R3HDM2: variants seen among roughly 807,000 people sequenced by gnomAD.
The protein encoded by R3HDM2 is R3H domain containing 2.
Under a neutral mutation model 124.5 loss-of-function variants are expected in R3HDM2, and 38 were observed. The ratio of observed to expected loss-of-function variants is 0.31; its 90% CI spans 0.24 to 0.40. The LOEUF (loss-of-function observed/expected upper bound fraction) is 0.40. R3HDM2 is among the 10% of genes least tolerant of loss of function. The pLI, the probability that R3HDM2 is intolerant of heterozygous loss-of-function variation, is 1.00. For missense variants in R3HDM2, 869 were observed against 1,236.9 expected, an observed-to-expected ratio of 0.70 and a Z score of 4.46; for synonymous variants, 391 against 448.0, an observed-to-expected ratio of 0.87 and a Z score of 1.61.
At chr12:57,414,054 G>A (rs1355383825) in intron 1 of R3HDM2, among the ~76,000 whole-genome samples, 1 of 150,550 alleles carries the variant, frequency 6.6e-6, no homozygotes, top group African/African-American at 2.4e-5. Context: ...TCATCATGTT[G>A]GTCAGGCTGG....
At chr12:57,272,239 CTCT>C (rs2043743452) in intron 14 of R3HDM2, among the ~76,000 whole-genome samples, 1 of 152,114 alleles carries the variant, frequency 6.6e-6, no homozygotes, top group African/African-American at 2.4e-5. Context: ...CACAGTGTTC[CTCT>C]GTCTTACATT....
rs1592384320 is a variant in R3HDM2 at position 57,262,616 on chromosome 12, A to G, written c.2132-3557T>C. On this transcript the variant is annotated intron_variant, in intron 19 of 23. Transcript: ENST00000402412. ...CCCTGCCTTTATTTTTGGAAAAGTG[A>G]CCATGTTGCTACATGAGAGAAGGGC... 2.0e-5 allele frequency among the ~76,000 whole-genome samples: 3 copies of G among 152,312 alleles called. No homozygotes were observed. The South Asian group carries it at 6.2e-4, about 32-fold the overall frequency.
In R3HDM2 at chr12:57,300,192, CA is replaced by C. The variant is rs546655688; in HGVS notation, c.208-12del. On this transcript the variant is annotated splice_polypyrimidine_tract_variant and intron_variant, in intron 4 of 23. Transcript: ENST00000402412. ...TAGCTTGGAATTAGACTGAAAAAAA[CA>C]AAAAACAATTTTCAATTTTTTTAAT... is the stretch of plus-strand genomic sequence containing the variant. 300 of 1,548,116 alleles carry C rather than the reference CA, an allele frequency of 1.9e-4. No homozygotes were observed. The African/African-American group carries it at 3.9e-3, about 20-fold the overall frequency.
At chr12:57,376,852 G>C (rs946761858) in intron 2 of R3HDM2, among the ~76,000 whole-genome samples, 1 of 151,872 alleles carries the variant, frequency 6.6e-6, no homozygotes, top group Non-Finnish European at 1.5e-5. Context: ...TTGGGAGGCT[G>C]AGACAGAAGA....
At chr12:57,359,447 G>A (rs545204468) in intron 2 of R3HDM2, among the ~76,000 whole-genome samples, 4 of 152,224 alleles carry the variant, frequency 2.6e-5, no homozygotes, top group South Asian at 4.1e-4. Flanking sequence ...TAAATAAGCT[G>A]CTTATATTCA....
chr12:57,381,226 C>T (rs1425618262), intron 2 of R3HDM2, among the ~76,000 whole-genome samples: 2 of 151,372 alleles, frequency 1.3e-5, no homozygotes, highest in East Asian at 1.9e-4. Context: ...AGCGAAACTC[C>T]GTCTCAAAAA....
intron 1 of R3HDM2, among the ~76,000 whole-genome samples, chr12:57,426,283 G>C (rs2070734015): frequency 6.6e-6 from 1 of 152,138 alleles, no homozygotes; most frequent in African/African-American, 2.4e-5. Flanking sequence ...ATAACCCACA[G>C]AATTTAGGGT....
In R3HDM2 at chr12:57,381,197, C is replaced by G. The variant is rs1384194914; in HGVS notation, c.-36+14552G>C. ...AGTGAGCTGATATCACGCCATTGCA[C>G]TCCAACTTGGGCAACAAAAGCGAAA... On this transcript the variant is annotated intron_variant, in intron 2 of 23. Transcript: ENST00000402412. Among the ~76,000 whole-genome samples the G allele has an allele frequency of 2.0e-5, 3 of 151,968 alleles. No homozygotes were observed. In the East Asian group the frequency reaches 5.8e-4, roughly 29 times the overall value.
intron 21 of R3HDM2, among the ~76,000 whole-genome samples, chr12:57,256,715 C>G (rs1427678293): frequency 6.6e-6 from 1 of 152,176 alleles, no homozygotes; most frequent in Non-Finnish European, 1.5e-5. Flanking sequence ...AATGGGACTA[C>G]TAGGTCCCAT....
chr12:57,412,564 A>C (rs1036452627), intron 1 of R3HDM2, among the ~76,000 whole-genome samples: 2 of 152,034 alleles, frequency 1.3e-5, no homozygotes, highest in Non-Finnish European at 1.5e-5. Context: ...AAAACAAACA[A>C]ACACACAAAA....
chr12:57,348,832 G>A (rs1328366783), intron 2 of R3HDM2, among the ~76,000 whole-genome samples: 1 of 152,018 alleles, frequency 6.6e-6, no homozygotes, highest in Non-Finnish European at 1.5e-5. Flanking sequence ...GCAGGCTGCA[G>A]TGAGCCGTGA....
At chr12:57,424,687 T>C (rs2070548266) in intron 1 of R3HDM2, among the ~76,000 whole-genome samples, 1 of 152,168 alleles carries the variant, frequency 6.6e-6, no homozygotes, top group African/African-American at 2.4e-5. Flanking sequence ...ATATGAACTG[T>C]ATTTTTTGAA....
In R3HDM2 at chr12:57,363,338, CAG is replaced by C. The variant is rs1055350301; in HGVS notation, c.-36+32409_-36+32410del. ...ACAATTCTATGGCTTTTAGCATATT[CAG>C]AGTTATACTACCATAATCAAAATCA... On this transcript the variant is annotated intron_variant, in intron 2 of 23. Coordinates refer to ENST00000402412, the MANE Select transcript of R3HDM2 (RefSeq NM_001394031.1). Among the ~76,000 whole-genome samples the C allele has an allele frequency of 2.0e-5, 3 of 152,194 alleles. No individual in the cohort carries two copies. In the East Asian group the frequency reaches 5.8e-4, roughly 29 times the overall value.
chr12:57,399,521 A>C (rs1314396191), intron 1 of R3HDM2, among the ~76,000 whole-genome samples: 1 of 152,216 alleles, frequency 6.6e-6, no homozygotes, highest in Non-Finnish European at 1.5e-5. Context: ...TTTTGCAATA[A>C]AATGCCACCT....
chr12:57,268,240 T>A, intron 18 of R3HDM2, 63 bp downstream of exon 18: 1 of 1,552,174 alleles, frequency 6.4e-7, no homozygotes. Flanking sequence ...AACAAAACCA[T>A]GATGCAACTG....
chr12:57,298,776 A>G (rs138346929), intron 6 of R3HDM2, among the ~76,000 whole-genome samples: 14 of 152,098 alleles, frequency 9.2e-5, no homozygotes, highest in Non-Finnish European at 1.6e-4. Context: ...AGCCTGGCCA[A>G]CATAGTAAAA....
At chr12:57,358,666 A>C (rs1048323396) in intron 2 of R3HDM2, among the ~76,000 whole-genome samples, 6 of 151,944 alleles carry the variant, frequency 3.9e-5, no homozygotes, top group African/African-American at 1.2e-4. Context: ...AAAAATTCTA[A>C]ATTTATTGAA....
chr12:57,318,483 T>C (rs2055669681), intron 2 of R3HDM2, among the ~76,000 whole-genome samples: 1 of 151,978 alleles, frequency 6.6e-6, no homozygotes, highest in Admixed American at 6.6e-5. Context: ...ACCCCATCTC[T>C]ACTAATAGTA....
chr12:57,425,712 C>A (rs1012392425), intron 1 of R3HDM2, among the ~76,000 whole-genome samples: 1 of 152,040 alleles, frequency 6.6e-6, no homozygotes, highest in Admixed American at 6.6e-5. Flanking sequence ...GCAGAAGAAT[C>A]GCTTGAACCT....
Sources: allele counts gnomAD v4.1 joint callset (sites outside exome capture counted in the v4.1 genomes callset), GRCh38; gene constraint gnomAD v4.1.1; transcripts MANE v1.5; gene names NCBI Gene and HGNC (gene_info 2026-07-23, HGNC 2026-07-21).